The following CDKN2AIPNL variants were observed in gnomAD, a reference collection of about 807,000 sequenced individuals.
CDKN2AIPNL encodes the protein XRN2 binding domain containing 1.
A neutral mutation model predicts 12.9 loss-of-function variants in CDKN2AIPNL; 9 were observed. The observed-to-expected ratio is 0.70, with a 90% CI of 0.42 to 1.22. CDKN2AIPNL has a LOEUF of 1.22. Among genes scored for constraint, CDKN2AIPNL ranks in the 50% most tolerant of loss-of-function variants. The pLI is 0.00. For synonymous variants in CDKN2AIPNL, 53 were observed against 61.7 expected, an observed-to-expected ratio of 0.86 and a Z score of 0.66; for missense variants, 143 against 153.6, an observed-to-expected ratio of 0.93 and a Z score of 0.37.
At chr5:134,410,269 G>A (rs1020426444) in intron 1 of CDKN2AIPNL, among the ~76,000 whole-genome samples, 4 of 152,128 alleles carry the variant, frequency 2.6e-5, no homozygotes, top group Admixed American at 2.6e-4. Context: ...CCGAGTAGCT[G>A]GGATTACAGG....
In CDKN2AIPNL at chr5:134,402,606, G is replaced by A. The variant is rs930962726; in HGVS notation, c.*309C>T. 3 of 253,442 alleles carry A rather than the reference G, an allele frequency of 1.2e-5. No homozygotes were observed. The highest frequency in any genetic ancestry group is 7.4e-5 in the East Asian group (1 of 13,442). The allele number at this position is 253,442 out of a possible 1,614,324, so 15.7% of individuals were successfully genotyped here. A position where few individuals can be genotyped will look rare whatever the true frequency, so the allele number is the denominator to read the frequency against. On this transcript the variant is annotated 3_prime_UTR_variant, in exon 3 of 3. Coordinates refer to ENST00000458198, the MANE Select transcript of CDKN2AIPNL (RefSeq NM_080656.3). ...TGTGCTTCTGCCTGGGCGACAGAGTGAGACCTTGTCGATAAGAAAAAAAAA... is the reference window on the plus strand; with the variant it reads ...TGTGCTTCTGCCTGGGCGACAGAGTAAGACCTTGTCGATAAGAAAAAAAAA...
intron 2 of CDKN2AIPNL, among the ~76,000 whole-genome samples, chr5:134,403,923 C>CTTTTTGAACAAACTGTTTT (rs1759065307): frequency 6.6e-6 from 1 of 152,108 alleles, no homozygotes; most frequent in Non-Finnish European, 1.5e-5. Flanking sequence ...TGTGCCCAGC[C>CTTTTTGAACAAACTGTTTT]CCAGTCAGTC....
chr5:134,410,018 T>C lies in CDKN2AIPNL; in HGVS notation c.240-16A>G, dbSNP rs571938374. On this transcript the variant is annotated splice_polypyrimidine_tract_variant and intron_variant, in intron 1 of 2. Transcript: ENST00000458198. ...TTTATTGTAACTGCACAATAAAAAG[T>C]AGTAAGGTAAAAACCTTGGAACAAT... 6.4e-6 allele frequency: 10 copies of C among 1,557,614 alleles called. No homozygotes were observed. In the East Asian group the frequency reaches 2.0e-4, roughly 31 times the overall value.
At chr5:134,407,752 G>A (rs1444582515) in intron 2 of CDKN2AIPNL, among the ~76,000 whole-genome samples, 1 of 135,742 alleles carries the variant, frequency 7.4e-6, no homozygotes, top group South Asian at 2.3e-4. Context: ...TGGGCAACAA[G>A]AGCAAAACTC....
At chr5:134,405,079 C>T (rs984289985) in intron 2 of CDKN2AIPNL, among the ~76,000 whole-genome samples, 1 of 151,876 alleles carries the variant, frequency 6.6e-6, no homozygotes, top group African/African-American at 2.4e-5. Context: ...GCCACTGCAC[C>T]TGGCCTTTCA....
intron 2 of CDKN2AIPNL, among the ~76,000 whole-genome samples, chr5:134,405,373 G>A (rs1437369575): frequency 2.0e-5 from 3 of 149,960 alleles, no homozygotes. Context: ...CCAAAGTGCT[G>A]GGATTACAGG....
chr5:134,403,853 T>C (rs1485542404), intron 2 of CDKN2AIPNL, among the ~76,000 whole-genome samples: 1 of 152,212 alleles, frequency 6.6e-6, no homozygotes, highest in Non-Finnish European at 1.5e-5. Flanking sequence ...CTTGAACTCA[T>C]GACCTCATGA....
intron 1 of CDKN2AIPNL, chr5:134,410,901 C>T (rs1759181470): frequency 1.6e-6 from 1 of 641,930 alleles, no homozygotes; most frequent in Admixed American, 2.5e-5. Context: ...TCAAGATTTG[C>T]CACCTTCCTC....
At chr5:134,409,345 A>G (rs1469055923) in intron 2 of CDKN2AIPNL, among the ~76,000 whole-genome samples, 3 of 152,160 alleles carry the variant, frequency 2.0e-5, no homozygotes, top group Non-Finnish European at 4.4e-5. Flanking sequence ...CCATATTCTG[A>G]GGTTCTTTCT....
At chr5:134,405,184 C>T (rs1759084156) in intron 2 of CDKN2AIPNL, among the ~76,000 whole-genome samples, 1 of 150,844 alleles carries the variant, frequency 6.6e-6, no homozygotes, top group South Asian at 2.1e-4. Context: ...CGGCTCACTG[C>T]AAGCTCCGCC....
rs1425179030 is a variant in CDKN2AIPNL at position 134,411,753 on chromosome 5, C to A, written c.102G>T (p.Glu34Asp). The A allele has an allele frequency of 1.9e-6, 3 of 1,612,574 alleles. No individual in the cohort carries two copies. The highest frequency in any genetic ancestry group is 2.5e-6 in the Non-Finnish European group (3 of 1,179,706). The change falls in exon 1 of 3, where the codon GAG becomes GAT. Residue 34 changes from glutamate (E) to aspartate (D), a missense_variant. Around this residue, in one of 3 missense-constraint regions of CDKN2AIPNL, gnomAD observed 111 missense variants for 111.4 expected, o/e 1.00. Transcript: ENST00000458198. ...AEQFRSYSES[E>D]KQWKARMEFI... ...ATTCCATGCGGGCCTTCCATTGCTT[C>A]TCGCTCTCTGAGTAGGAGCGGAACT...
chr5:134,410,823 G>A (rs573855913), intron 1 of CDKN2AIPNL: 2 of 591,536 alleles, frequency 3.4e-6, no homozygotes, highest in Admixed American at 2.9e-5. Context: ...TAGAAACCAA[G>A]ATCAAACCAA....
At chr5:134,405,606 G>A (rs1280367387) in intron 2 of CDKN2AIPNL, among the ~76,000 whole-genome samples, 3 of 151,470 alleles carry the variant, frequency 2.0e-5, no homozygotes, top group African/African-American at 4.8e-5. Flanking sequence ...TAGCAGAGAC[G>A]GGGTTTCACC....
intron 2 of CDKN2AIPNL, among the ~76,000 whole-genome samples, chr5:134,408,328 C>T (rs1247644849): frequency 6.6e-6 from 1 of 151,852 alleles, no homozygotes; most frequent in African/African-American, 2.4e-5. Context: ...AAGCCACACA[C>T]TCCCAATTCA....
Position 134,402,818 on chromosome 5 carries a change from A to G in CDKN2AIPNL, c.*97T>C. ...CCTGCCTCTTTATGTTGGTAATACCAGGAGTCTTAAGAGAGCTGCTGTGGT... is the reference window on the plus strand; with the variant it reads ...CCTGCCTCTTTATGTTGGTAATACCGGGAGTCTTAAGAGAGCTGCTGTGGT... On this transcript the variant is annotated 3_prime_UTR_variant, in exon 3 of 3. Coordinates refer to ENST00000458198, the MANE Select transcript of CDKN2AIPNL (RefSeq NM_080656.3). The G allele has an allele frequency of 9.5e-7, 1 of 1,052,606 alleles. No homozygotes were observed. The highest frequency in any genetic ancestry group is 1.4e-5 in the South Asian group (1 of 70,222). The allele number at this position is 1,052,606 out of a possible 1,614,324, so 65.2% of individuals were successfully genotyped here. A position where few individuals can be genotyped will look rare whatever the true frequency, so the allele number is the denominator to read the frequency against.
chr5:134,410,498 A>G (rs1759175608), intron 1 of CDKN2AIPNL: 1 of 162,488 alleles, frequency 6.2e-6, no homozygotes. Context: ...TTCAAGATTT[A>G]GAAGAACAGA....
intron 2 of CDKN2AIPNL, among the ~76,000 whole-genome samples, chr5:134,404,822 G>A (rs775760325): frequency 6.6e-6 from 1 of 152,016 alleles, no homozygotes; most frequent in African/African-American, 2.4e-5. Context: ...GTCTCACTCC[G>A]TTGCCCAGGC....
chr5:134,411,094 G>A (rs1469207233), intron 1 of CDKN2AIPNL: 4 of 702,434 alleles, frequency 5.7e-6, no homozygotes, highest in Non-Finnish European at 1.0e-5. Context: ...TGTGGAGTGA[G>A]GAGAAAAAGC....
rs949770438 is a variant in CDKN2AIPNL at position 134,411,707 on chromosome 5, C to T, written c.148G>A (p.Asp50Asn). 6.2e-6 allele frequency: 10 copies of T among 1,613,142 alleles called. No homozygotes were observed. In the Middle Eastern group the frequency reaches 6.8e-4, roughly 109 times the overall value. ...RMEFILRHLP[D>N]YRDPPDGSGR... ...CTGCCGTCGGGCGGGTCGCGGTAGT[C>T]GGGCAGGTGGCGCAGGATGAATTCC... is the stretch of plus-strand genomic sequence containing the variant. Residue 50 changes from aspartate to asparagine, a missense_variant, in exon 1 of 3, where the codon GAC (aspartate) becomes AAC (asparagine). By Grantham distance (23) the Asp-to-Asn change is conservative. Around this residue, in one of 3 missense-constraint regions of CDKN2AIPNL, gnomAD observed 111 missense variants for 111.4 expected, o/e 1.00. Transcript: ENST00000458198.
Sources: gnomAD v4.1 joint callset for allele counts (sites outside exome capture counted in the v4.1 genomes callset) on GRCh38, gnomAD v4.1.1 for gene constraint, gnomAD v4.1.1 regional missense constraint, MANE v1.5 for transcripts, NCBI Gene and HGNC (gene_info 2026-07-23, HGNC 2026-07-21) for gene names.